Variants in TPPP observed in about 807,000 individuals in gnomAD.
TPPP encodes the protein tubulin polymerization-promoting protein.
Under a neutral mutation model 15.5 loss-of-function variants are expected in TPPP, and 6 were observed. The ratio of observed to expected loss-of-function variants is 0.39; its 90% CI spans 0.21 to 0.77. The LOEUF (loss-of-function observed/expected upper bound fraction) is 0.77. Among genes scored for constraint, TPPP ranks in the 30% least tolerant of loss-of-function variants. The pLI, the probability that TPPP is intolerant of heterozygous loss-of-function variation, is 0.42. For missense variants in TPPP, 269 were observed against 307.2 expected (o/e 0.88, Z 0.93); for synonymous variants, 146 against 133.9 (o/e 1.09, Z -0.63).
chr5:683,479 C>T (rs983649859), intron 1 of TPPP, among the ~76,000 whole-genome samples: 1 of 152,208 alleles, frequency 6.6e-6, no homozygotes, highest in East Asian at 1.9e-4. Flanking sequence ...CTGGAGAACT[C>T]CCTGTTCAGG....
the TPPP span, among the ~76,000 whole-genome samples, chr5:699,376 C>T: frequency 6.6e-6 from 1 of 152,066 alleles, no homozygotes; most frequent in African/African-American, 2.4e-5. Flanking sequence ...GGAAATGACA[C>T]CCTTTTCAAT....
chr5:683,597 A>G (rs1233486024), intron 1 of TPPP, among the ~76,000 whole-genome samples: 1 of 152,210 alleles, frequency 6.6e-6, no homozygotes, highest in Non-Finnish European at 1.5e-5. Context: ...TGACTGCAGG[A>G]TGCCCCTGGC....
At chr5:676,566 A>C (rs1018722503) in intron 2 of TPPP, 2 of 152,250 alleles carry the variant, frequency 1.3e-5, no homozygotes, top group African/African-American at 4.8e-5. Flanking sequence ...CCACAGGAGG[A>C]CGCAGGTGCA....
At position 664,814 on chromosome 5, in the gene TPPP, G is replaced by A. The variant is rs77925095; in HGVS notation, c.*288C>T. On this transcript the variant is annotated 3_prime_UTR_variant, in exon 4 of 4. Transcript: ENST00000360578. Reference sequence around the variant, plus strand: ...AACGCCCCTTTGACCTGCAAACCACGTGCCCAGTGTGGTGTGATCCGCGAG... The same window carrying A: ...AACGCCCCTTTGACCTGCAAACCACATGCCCAGTGTGGTGTGATCCGCGAG... The A allele has an allele frequency of 0.014, 5,324 of 388,926 alleles. 39 individuals carry two copies. The highest frequency in any genetic ancestry group is 0.018 in the Non-Finnish European group (3,894 of 213,440). 24.1% of individuals were successfully genotyped at this position (388,926 alleles called of 1,614,324 possible).
chr5:693,557 G>A (rs1740956252), upstream of TPPP, among the ~76,000 whole-genome samples: 1 of 151,592 alleles, frequency 6.6e-6, no homozygotes. Context: ...GGCCGACTCT[G>A]CTCAGGCCCC....
the TPPP span, among the ~76,000 whole-genome samples, chr5:700,364 G>A: frequency 6.6e-6 from 1 of 152,008 alleles, no homozygotes; most frequent in East Asian, 1.9e-4. Flanking sequence ...ATGTTCTCAA[G>A]TATAAGTGGG....
upstream of TPPP, among the ~76,000 whole-genome samples, chr5:696,391 C>T (rs1437507134): frequency 7.0e-6 from 1 of 142,528 alleles, no homozygotes; most frequent in Non-Finnish European, 1.6e-5. Flanking sequence ...ACTGAGGTGT[C>T]CTGCAGCTGG....
At chr5:669,929 GC>G (rs1006658762) in intron 2 of TPPP, among the ~76,000 whole-genome samples, 9 of 152,192 alleles carry the variant, frequency 5.9e-5, no homozygotes, top group African/African-American at 2.2e-4. Context: ...AGACCAGGGT[GC>G]TGGAGGAGCC....
intron 1 of TPPP, among the ~76,000 whole-genome samples, chr5:681,434 A>T (rs1055728033): frequency 3.2e-4 from 48 of 151,704 alleles, no homozygotes; most frequent in Non-Finnish European, 6.2e-4. Flanking sequence ...TGTGCCCAGC[A>T]CTCCCAGGCC....
At chr5:679,772 T>G (rs1314522698) in intron 1 of TPPP, among the ~76,000 whole-genome samples, 6 of 150,912 alleles carry the variant, frequency 4.0e-5, no homozygotes, top group African/African-American at 1.5e-4. Context: ...CCTCAGAGAG[T>G]CATCTGAGAA....
At chr5:697,193 C>T (rs538069988), upstream of TPPP, among the ~76,000 whole-genome samples, 1 of 151,520 alleles carries the variant, frequency 6.6e-6, no homozygotes, top group Non-Finnish European at 1.5e-5. Context: ...CGACTCTGGC[C>T]CCCCTATCAC....
intron 2 of TPPP, among the ~76,000 whole-genome samples, chr5:668,840 C>A (rs536630239): frequency 6.6e-6 from 1 of 152,246 alleles, no homozygotes; most frequent in African/African-American, 2.4e-5. Flanking sequence ...ACAGCACCCC[C>A]ACCCCTCGAG....
Position 665,153 on chromosome 5 carries a change from G to C in TPPP, c.609C>G (p.Ser203=). ...CGTAGGTGCCTGCGTGCTTGTAGCCGGACACATAGCCTGACTCGTCCACCA... is the reference window on the plus strand; with the variant it reads ...CGTAGGTGCCTGCGTGCTTGTAGCCCGACACATAGCCTGACTCGTCCACCA... ...VDLVDESGYV[S]GYKHAGTYDQ... is the part of the protein sequence containing the mutation. The change falls in exon 4 of 4, where the codon TCC becomes TCG. Residue 203 remains serine (S), a synonymous_variant. Coordinates refer to ENST00000360578, the MANE Select transcript of TPPP (RefSeq NM_007030.3). 4 of 1,613,324 alleles carry C rather than the reference G, an allele frequency of 2.5e-6. No individual in the cohort carries two copies. Among genetic ancestry groups the C allele is most frequent in the Non-Finnish European group, 3.4e-6 (4 of 1,179,986 alleles).
the TPPP span, among the ~76,000 whole-genome samples, chr5:700,515 C>T: frequency 6.6e-6 from 1 of 151,954 alleles, no homozygotes; most frequent in African/African-American, 2.4e-5. Context: ...GATGGGTACA[C>T]TAAAAGCCCA....
chr5:665,927 CCCACCCCCTCCAGGCCCCGCCT>C, intron 3 of TPPP, 21 bp downstream of exon 3: 2 of 704,912 alleles, frequency 2.8e-6, no homozygotes, highest in South Asian at 3.6e-5. Context: ...AGGCCCCGCC[CCCACCCCCTCCAGGCCCCGCCT>C]TCCATCCCCG....
chr5:676,961 GCA>G (rs1199660442), intron 2 of TPPP, among the ~76,000 whole-genome samples: 1 of 146,090 alleles, frequency 6.8e-6, no homozygotes, highest in African/African-American at 2.5e-5. Flanking sequence ...GCGCACACGT[GCA>G]CACAGAAACG....
intron 2 of TPPP, among the ~76,000 whole-genome samples, chr5:670,581 G>T (rs1486809036): frequency 6.6e-6 from 1 of 152,100 alleles, no homozygotes; most frequent in Non-Finnish European, 1.5e-5. Flanking sequence ...GAGCTTCTGG[G>T]GAGGTTCCTA....
upstream of TPPP, among the ~76,000 whole-genome samples, chr5:696,888 G>GTC (rs72043448): frequency 6.9e-6 from 1 of 143,924 alleles, no homozygotes; most frequent in Non-Finnish European, 1.6e-5. Flanking sequence ...GTGTCTCTGT[G>GTC]TGTATGAGTG....
intron 2 of TPPP, among the ~76,000 whole-genome samples, chr5:674,499 C>T (rs1740337150): frequency 6.6e-6 from 1 of 152,124 alleles, no homozygotes; most frequent in Admixed American, 6.5e-5. Context: ...GTCCGAGTGC[C>T]CGGGACACGT....
Sources: gnomAD v4.1 joint callset for allele counts (sites outside exome capture counted in the v4.1 genomes callset) on GRCh38, gnomAD v4.1.1 for gene constraint, MANE v1.5 for transcripts, NCBI Gene and HGNC (gene_info 2026-07-23, HGNC 2026-07-21) for gene names.